Variants in USP47 observed in about 807,000 individuals in gnomAD.
USP47 encodes the protein ubiquitin specific peptidase 47.
Under a neutral mutation model 165.1 loss-of-function variants are expected in USP47, and 35 were observed. The observed-to-expected ratio is 0.21, with a 90% CI of 0.16 to 0.28. The LOEUF (loss-of-function observed/expected upper bound fraction) is 0.28, where lower values mean the gene tolerates loss of function less well. USP47 is among the 10% of genes least tolerant of loss of function. The pLI is 1.00. For synonymous variants in USP47, 531 were observed against 544.5 expected, an observed-to-expected ratio of 0.98 and a Z score of 0.35; for missense variants, 1,277 against 1,607.4, an observed-to-expected ratio of 0.79 and a Z score of 3.52.
intron 1 of USP47, among the ~76,000 whole-genome samples, chr11:11,867,492 T>C (rs1049561120): frequency 6.6e-6 from 1 of 152,222 alleles, no homozygotes; most frequent in Non-Finnish European, 1.5e-5. Flanking sequence ...ATATTTTAAA[T>C]GTGCTGTTAA....
chr11:11,920,803 A>G (rs1451833359), intron 10 of USP47, among the ~76,000 whole-genome samples: 1 of 151,812 alleles, frequency 6.6e-6, no homozygotes, highest in Non-Finnish European at 1.5e-5. Context: ...CTTATATTTT[A>G]TAATTTCGTC....
intron 14 of USP47, among the ~76,000 whole-genome samples, chr11:11,931,215 A>G (rs188360546): frequency 6.6e-6 from 1 of 152,210 alleles, no homozygotes; most frequent in African/African-American, 2.4e-5. Flanking sequence ...TGATTTCAGT[A>G]TATTTCCTTT....
intron 2 of USP47, among the ~76,000 whole-genome samples, chr11:11,881,975 G>A (rs941062331): frequency 3.9e-5 from 6 of 152,154 alleles, no homozygotes; most frequent in African/African-American, 7.2e-5. Flanking sequence ...GGTTAAGGAA[G>A]AAGACCATTG....
At chr11:11,861,057 A>T (rs918315728) in intron 1 of USP47, among the ~76,000 whole-genome samples, 1 of 152,150 alleles carries the variant, frequency 6.6e-6, no homozygotes, top group African/African-American at 2.4e-5. Flanking sequence ...AAGGAGCCTC[A>T]TCTGATGTTC....
chr11:11,948,449 A>G (rs1242771753), intron 21 of USP47, 29 bp from the exon 22 acceptor site: 2 of 1,560,686 alleles, frequency 1.3e-6, no homozygotes, highest in African/African-American at 1.4e-5. Context: ...CTGAGACAGC[A>G]TGTCTAAAAA....
intron 18 of USP47, among the ~76,000 whole-genome samples, chr11:11,940,115 T>G (rs939730066): frequency 5.3e-5 from 8 of 152,028 alleles, no homozygotes; most frequent in African/African-American, 1.7e-4. Context: ...TTACGCAGTT[T>G]CTTTGGAATC....
chr11:11,904,538 G>A (rs1458756161), intron 7 of USP47, among the ~76,000 whole-genome samples: 1 of 152,094 alleles, frequency 6.6e-6, no homozygotes, highest in Non-Finnish European at 1.5e-5. Flanking sequence ...GGTATTGGGG[G>A]CTGTTTCTTC....
At position 11,892,380 on chromosome 11, in the gene USP47, CTTTTTTTT is replaced by C; in HGVS notation, c.496+286_496+293del. Among the ~76,000 whole-genome samples the C allele has an allele frequency of 2.5e-5, 3 of 121,138 alleles. 1 individual carries two copies. The Middle Eastern group carries it at 0.013, about 522-fold the overall frequency. 79.5% of individuals were successfully genotyped at this position (121,138 alleles called of 152,430 possible). On this transcript the variant is annotated intron_variant, in intron 4 of 27. Transcript: ENST00000527733. ...AGACTTTTCTTTTCTTTTTAATTTT[CTTTTTTTT>C]TTTTTTTTTTTGAGACAGAGTCTTG...
At chr11:11,873,260 A>G (rs1246108724) in intron 1 of USP47, among the ~76,000 whole-genome samples, 1 of 152,142 alleles carries the variant, frequency 6.6e-6, no homozygotes, top group Non-Finnish European at 1.5e-5. Context: ...TGTAAAATCA[A>G]GATTTTTCAA....
At chr11:11,868,922 G>A (rs1025935105) in intron 1 of USP47, among the ~76,000 whole-genome samples, 3 of 151,522 alleles carry the variant, frequency 2.0e-5, no homozygotes, top group South Asian at 2.1e-4. Flanking sequence ...CTGTTTATAC[G>A]CTTCATTGAA....
chr11:11,942,445 A>C lies in USP47; in HGVS notation c.2424A>C (p.Leu808=), dbSNP rs1024150962. 9 of 1,613,528 alleles carry C rather than the reference A, an allele frequency of 5.6e-6. No individual in the cohort carries two copies. The highest frequency in any genetic ancestry group is 1.7e-5 in the Admixed American group (1 of 59,916). Residue 808 remains leucine (L), a synonymous_variant, in exon 20 of 28, where the codon CTA becomes CTC. Coordinates refer to ENST00000527733, the MANE Select transcript of USP47 (RefSeq NM_001282659.2). ...HANTIRLFVL[L]PEQSPVSYSK... ...ATACAATCAGATTATTTGTTTTGCT[A>C]CCTGAACAATCCCCAGTATCTTATT...
At chr11:11,944,604 C>G (rs140859358) in intron 20 of USP47, among the ~76,000 whole-genome samples, 1 of 152,020 alleles carries the variant, frequency 6.6e-6, no homozygotes, top group Non-Finnish European at 1.5e-5. Context: ...TCACTGATGA[C>G]GAAACTGGTC....
At chr11:11,880,956 C>T (rs929617647) in intron 2 of USP47, among the ~76,000 whole-genome samples, 8 of 152,200 alleles carry the variant, frequency 5.3e-5, no homozygotes, top group South Asian at 2.1e-4. Context: ...ACATTTTTAA[C>T]GACTGCAGTC....
At chr11:11,898,390 C>T (rs1851983086) in intron 5 of USP47, among the ~76,000 whole-genome samples, 1 of 151,910 alleles carries the variant, frequency 6.6e-6, no homozygotes, top group East Asian at 1.9e-4. Context: ...TTACTTTCCA[C>T]TAACATCTTT....
chr11:11,889,163 C>T (rs972028959), intron 3 of USP47, among the ~76,000 whole-genome samples: 1 of 152,138 alleles, frequency 6.6e-6, no homozygotes, highest in Admixed American at 6.5e-5. Flanking sequence ...CCCTCTTTTA[C>T]TACTCCTATT....
intron 1 of USP47, among the ~76,000 whole-genome samples, chr11:11,842,839 C>CTTTT (rs56251946): frequency 2.7e-5 from 3 of 111,354 alleles, no homozygotes; most frequent in African/African-American, 1.0e-4. Flanking sequence ...GAGCTGAACT[C>CTTTT]TTTTTTTTTT....
chr11:11,907,460 C>T (rs1202893896), intron 8 of USP47, among the ~76,000 whole-genome samples: 4 of 152,160 alleles, frequency 2.6e-5, no homozygotes, highest in East Asian at 3.8e-4. Context: ...ATACTACCTT[C>T]GGAGAACTTT....
At position 11,929,576 on chromosome 11, in the gene USP47, G is replaced by A. The variant is rs1217871947; in HGVS notation, c.1518+11G>A. The stretch of plus-strand genomic sequence containing the variant: ...CAACATGTCAGCAGGGTAAGGAGGT[G>A]TCCTTTAAGATTATTACTCTGAAAG... On this transcript the variant is annotated intron_variant, in intron 12 of 27. Transcript: ENST00000527733. 4 of 1,610,348 alleles carry A rather than the reference G, an allele frequency of 2.5e-6. No individual in the cohort carries two copies. The highest frequency in any genetic ancestry group is 3.4e-6 in the Non-Finnish European group (4 of 1,178,356).
intron 14 of USP47, among the ~76,000 whole-genome samples, 154 bp from the exon 15 acceptor site, chr11:11,932,850 A>C (rs745786844): frequency 4.6e-5 from 7 of 152,148 alleles, no homozygotes; most frequent in Non-Finnish European, 8.8e-5. Flanking sequence ...TTCTGGACGA[A>C]GCTTGTATTC....
Sources: allele counts gnomAD v4.1 joint callset (sites outside exome capture counted in the v4.1 genomes callset), GRCh38; gene constraint gnomAD v4.1.1; transcripts MANE v1.5; gene names NCBI Gene and HGNC (gene_info 2026-07-23, HGNC 2026-07-21).